Variants in MCC observed in about 807,000 individuals in gnomAD.
MCC encodes the protein MCC regulator of Wnt signaling pathway.
MCC carries 90 observed loss-of-function variants against 116.2 expected under a neutral mutation model. That is an observed-to-expected ratio of 0.77 (90% CI 0.65 to 0.92). MCC has a LOEUF of 0.92. Among genes scored for constraint, MCC ranks in the 40% least tolerant of loss-of-function variants. The pLI is 0.00. For synonymous variants in MCC, 578 were observed against 510.5 expected (o/e 1.13, Z -1.78); for missense variants, 1,516 against 1,312.2 (o/e 1.16, Z -2.40).
At chr5:113,045,263 T>G (rs1164799119) in intron 16 of MCC, among the ~76,000 whole-genome samples, 1 of 152,098 alleles carries the variant, frequency 6.6e-6, no homozygotes, top group African/African-American at 2.4e-5. Flanking sequence ...CTAACGCAAC[T>G]TGGATAAGAT....
Position 113,127,089 on chromosome 5 carries a change from G to A in MCC, c.885-4263C>T, listed in dbSNP as rs147016113. ...CTTTGTGTCCATTTGTTATCATTTA[G>A]CTCCCACACACAGTATTCAGTTTTC... On this transcript the variant is annotated intron_variant, in intron 5 of 18. Transcript: ENST00000408903. Among the ~76,000 whole-genome samples, 158 of 152,158 alleles carry A rather than the reference G, an allele frequency of 1.0e-3. 3 individuals are homozygous for A. In the East Asian group the frequency reaches 0.027, roughly 26 times the overall value.
intron 3 of MCC, among the ~76,000 whole-genome samples, chr5:113,327,742 C>T (rs1001979200): frequency 6.6e-6 from 1 of 150,410 alleles, no homozygotes; most frequent in African/African-American, 2.4e-5. Flanking sequence ...CAAAGAGCAG[C>T]TGACATTTGG....
chr5:113,448,280 T>C (rs1233523577), intron 1 of MCC: 1 of 152,200 alleles, frequency 6.6e-6, no homozygotes, highest in African/African-American at 2.4e-5. Context: ...TCCTTTCTGG[T>C]GCATAACCTT....
chr5:113,165,902 C>T (rs1443697), intron 3 of MCC, among the ~76,000 whole-genome samples: 150,337 of 151,682 alleles, frequency 0.99, 74,512 homozygotes, highest in Middle Eastern at 1. Context: ...GGGAATGACA[C>T]GGCTTTCTGC....
chr5:113,479,526 T>G (rs1029816937), intron 1 of MCC, among the ~76,000 whole-genome samples: 1 of 152,126 alleles, frequency 6.6e-6, no homozygotes, highest in African/African-American at 2.4e-5. Flanking sequence ...TTCACTTGTA[T>G]GTGAATGTTC....
chr5:113,481,603 G>T (rs2150436061), intron 1 of MCC, among the ~76,000 whole-genome samples: 1 of 152,238 alleles, frequency 6.6e-6, no homozygotes, highest in Middle Eastern at 3.4e-3. Context: ...GCTGGGCGTG[G>T]TGGCGCACAC....
intron 3 of MCC, among the ~76,000 whole-genome samples, chr5:113,174,781 G>A (rs974342776): frequency 6.6e-5 from 10 of 152,050 alleles, no homozygotes; most frequent in Non-Finnish European, 1.5e-4. Context: ...AGAGATGAGG[G>A]TCTCCCTATG....
At chr5:113,432,950 A>T (rs543865041) in intron 1 of MCC, 44 of 152,354 alleles carry the variant, frequency 2.9e-4, no homozygotes, top group African/African-American at 1.1e-3. Context: ...CAGTAGAGAT[A>T]AGAAAAATCA....
At chr5:113,187,208 A>C (rs1165755584) in intron 3 of MCC, among the ~76,000 whole-genome samples, 1 of 152,174 alleles carries the variant, frequency 6.6e-6, no homozygotes, top group Non-Finnish European at 1.5e-5. Context: ...AAGCAAGTTC[A>C]AGCAATTCTT....
At chr5:113,183,200 C>A (rs1048318475) in intron 3 of MCC, among the ~76,000 whole-genome samples, 1 of 152,094 alleles carries the variant, frequency 6.6e-6, no homozygotes, top group Non-Finnish European at 1.5e-5. Flanking sequence ...AAGGTCAGCT[C>A]CCTTATACTC....
At position 113,142,472 on chromosome 5, in the gene MCC, A is replaced by C. The variant is rs375547674; in HGVS notation, c.884+746T>G. On this transcript the variant is annotated intron_variant, in intron 5 of 18. Transcript: ENST00000408903. ...ACTGTGGCAGGAGACTTAGAGGCCAAGTGATTAATAAGTAAGGAAGGCAGA... is the reference window on the plus strand; with the variant it reads ...ACTGTGGCAGGAGACTTAGAGGCCACGTGATTAATAAGTAAGGAAGGCAGA... Among the ~76,000 whole-genome samples the C allele has an allele frequency of 3.3e-5, 5 of 152,058 alleles. No individual in the cohort carries two copies. In the East Asian group the frequency reaches 5.8e-4, roughly 18 times the overall value.
chr5:113,239,878 T>C (rs1373721245), intron 3 of MCC, among the ~76,000 whole-genome samples: 1 of 152,180 alleles, frequency 6.6e-6, no homozygotes, highest in African/African-American at 2.4e-5. Flanking sequence ...CAGTTTCTGA[T>C]CATTACCTGG....
intron 3 of MCC, among the ~76,000 whole-genome samples, chr5:113,210,246 C>A (rs62372748): frequency 6.6e-6 from 1 of 152,174 alleles, no homozygotes; most frequent in Admixed American, 6.5e-5. Context: ...ATTACAGGGC[C>A]TCTAAATATA....
intron 3 of MCC, among the ~76,000 whole-genome samples, chr5:113,249,881 T>TA (rs1444010731): frequency 2.0e-5 from 3 of 152,186 alleles, no homozygotes; most frequent in Non-Finnish European, 2.9e-5. Context: ...ACCATCTACT[T>TA]AACTAATTCT....
intron 3 of MCC, among the ~76,000 whole-genome samples, chr5:113,215,480 G>A (rs1365037672): frequency 6.6e-6 from 1 of 152,138 alleles, no homozygotes; most frequent in South Asian, 2.1e-4. Context: ...TAAGGGTGGG[G>A]GTTGGTCTTT....
chr5:113,073,656 C>CCTT (rs1754202529), intron 11 of MCC, among the ~76,000 whole-genome samples: 1 of 144,282 alleles, frequency 6.9e-6, no homozygotes, highest in African/African-American at 2.5e-5. Flanking sequence ...CATATGGCTG[C>CCTT]TTTTTTTTTT....
intron 3 of MCC, among the ~76,000 whole-genome samples, chr5:113,308,628 G>A (rs2150367268): frequency 6.6e-6 from 1 of 152,226 alleles, no homozygotes; most frequent in East Asian, 1.9e-4. Context: ...TTCCAGACCA[G>A]TCTGGGCAAC....
At chr5:113,087,847 T>C (rs991908994) in intron 8 of MCC, among the ~76,000 whole-genome samples, 2 of 151,980 alleles carry the variant, frequency 1.3e-5, no homozygotes, top group South Asian at 2.1e-4. Context: ...AAAGACTTCA[T>C]TAAAACTATC....
chr5:113,334,301 G>A (rs1300509568), intron 3 of MCC, among the ~76,000 whole-genome samples: 4 of 150,404 alleles, frequency 2.7e-5, no homozygotes, highest in African/African-American at 7.4e-5. Flanking sequence ...TTCACCTCCC[G>A]AGCTCAAGTG....
Sources: allele counts gnomAD v4.1 joint callset (sites outside exome capture counted in the v4.1 genomes callset), GRCh38; gene constraint gnomAD v4.1.1; transcripts MANE v1.5; gene names NCBI Gene and HGNC (gene_info 2026-07-23, HGNC 2026-07-21).